GALNT1: variants seen among roughly 807,000 people sequenced by gnomAD.
GALNT1 encodes the protein GalNAc transferase 1.
Under a neutral mutation model 65.7 loss-of-function variants are expected in GALNT1, and 17 were observed. That is an observed-to-expected ratio of 0.26 (90% CI 0.18 to 0.39). The LOEUF is 0.39. Among genes scored for constraint, GALNT1 ranks in the 10% least tolerant of loss-of-function variants. The probability of loss-of-function intolerance (pLI) is 1.00; values close to 1 mark genes in which losing one functional copy is unlikely to be tolerated. For missense variants in GALNT1, 460 were observed against 672.8 expected (o/e 0.68, Z 3.50); for synonymous variants, 210 against 219.7 (o/e 0.96, Z 0.39).
At chr18:35,643,813 A>G (rs1212119406) in intron 1 of GALNT1, among the ~76,000 whole-genome samples, 1 of 152,076 alleles carries the variant, frequency 6.6e-6, no homozygotes, top group Non-Finnish European at 1.5e-5. Flanking sequence ...AAAAAAGAAA[A>G]AAAAACACAT....
chr18:35,691,250 G>C, intron 8 of GALNT1, 58 bp downstream of exon 8: 1 of 1,455,028 alleles, frequency 6.9e-7, no homozygotes, highest in Non-Finnish European at 9.3e-7. Context: ...CCTGATCCTG[G>C]AGGAGAAGTA....
At chr18:35,665,737 T>G (rs1311385026) in intron 3 of GALNT1, among the ~76,000 whole-genome samples, 1 of 152,224 alleles carries the variant, frequency 6.6e-6, no homozygotes, top group East Asian at 1.9e-4. Context: ...ATCTAAAATC[T>G]TATATTCAGC....
chr18:35,620,722 T>G (rs2046839837), intron 1 of GALNT1, among the ~76,000 whole-genome samples: 1 of 152,236 alleles, frequency 6.6e-6, no homozygotes, highest in Non-Finnish European at 1.5e-5. Flanking sequence ...TCTAGTTTAT[T>G]CGTTTTTCCT....
chr18:35,621,290 C>G (rs1027977390), intron 1 of GALNT1, among the ~76,000 whole-genome samples: 1 of 125,052 alleles, frequency 8.0e-6, no homozygotes. Flanking sequence ...GTGATCCCCC[C>G]ACCTCAGCCT....
At chr18:35,645,443 C>A (rs545328622) in intron 1 of GALNT1, among the ~76,000 whole-genome samples, 2 of 152,104 alleles carry the variant, frequency 1.3e-5, no homozygotes, top group African/African-American at 4.8e-5. Context: ...CCGTGTTAGC[C>A]AGGATGGTCT....
chr18:35,678,861 C>A (rs1355546632), intron 4 of GALNT1, among the ~76,000 whole-genome samples: 3 of 152,140 alleles, frequency 2.0e-5, no homozygotes, highest in Admixed American at 1.3e-4. Flanking sequence ...TTATTCACAT[C>A]AAATATCAAT....
At chr18:35,701,997 A>T (rs1453469464) in intron 9 of GALNT1, among the ~76,000 whole-genome samples, 2 of 151,804 alleles carry the variant, frequency 1.3e-5, no homozygotes, top group African/African-American at 2.4e-5. Flanking sequence ...AACTGACATT[A>T]CCCCCCCAGT....
intron 4 of GALNT1, among the ~76,000 whole-genome samples, chr18:35,678,698 T>C (rs917170875): frequency 2.0e-5 from 3 of 152,222 alleles, no homozygotes; most frequent in Non-Finnish European, 2.9e-5. Flanking sequence ...TCTTCCTTCA[T>C]CAGCCTTAAA....
At chr18:35,685,671 G>A (rs1223844508) in intron 5 of GALNT1, among the ~76,000 whole-genome samples, 1 of 152,182 alleles carries the variant, frequency 6.6e-6, no homozygotes, top group East Asian at 1.9e-4. Flanking sequence ...AAAAGGAAAA[G>A]CATTGTTGTC....
At chr18:35,594,998 C>A (rs959991677) in intron 1 of GALNT1, among the ~76,000 whole-genome samples, 1 of 152,048 alleles carries the variant, frequency 6.6e-6, no homozygotes, top group Non-Finnish European at 1.5e-5. Context: ...GATGGTAACT[C>A]TAGTGTTGAA....
chr18:35,647,482 A>G (rs1009200340), intron 1 of GALNT1, among the ~76,000 whole-genome samples: 2 of 152,242 alleles, frequency 1.3e-5, no homozygotes, highest in Non-Finnish European at 2.9e-5. Context: ...GAAATAGAGC[A>G]AATAGAATAT....
rs1261762084 is a variant in GALNT1, at chr18:35,581,865, G to A, written c.-104+3G>A. ...GCCGCCGCCGCGCGCCTAGCGAGGTGAGTGTATCGCCCGCGGCTGGGCAGT... is the reference window on the plus strand; with the variant it reads ...GCCGCCGCCGCGCGCCTAGCGAGGTAAGTGTATCGCCCGCGGCTGGGCAGT... On this transcript the variant is annotated splice_donor_region_variant and intron_variant, in intron 1 of 11. Coordinates refer to ENST00000269195, the MANE Select transcript of GALNT1 (RefSeq NM_020474.4). The A allele has an allele frequency of 9.7e-4, 1 of 1,036 alleles. No homozygotes were observed. The highest frequency in any genetic ancestry group is 4.5e-3 in the Non-Finnish European group (1 of 222). The allele number at this position is 1,036 out of a possible 1,614,324, so 0.1% of individuals were successfully genotyped here.
chr18:35,630,351 G>A (rs1218172222), intron 1 of GALNT1, among the ~76,000 whole-genome samples: 1 of 152,110 alleles, frequency 6.6e-6, no homozygotes, highest in Non-Finnish European at 1.5e-5. Context: ...ACAACAAACT[G>A]TCTCTCAGAC....
intron 1 of GALNT1, among the ~76,000 whole-genome samples, chr18:35,588,642 T>C (rs2046406326): frequency 6.6e-6 from 1 of 152,182 alleles, no homozygotes; most frequent in Non-Finnish European, 1.5e-5. Flanking sequence ...ATTTCTCTCT[T>C]ATTCATATTG....
intron 1 of GALNT1, among the ~76,000 whole-genome samples, chr18:35,601,367 G>A (rs2046580072): frequency 6.6e-6 from 1 of 151,824 alleles, no homozygotes; most frequent in Non-Finnish European, 1.5e-5. Flanking sequence ...CTAAGGGTTT[G>A]TTGATTTTAT....
chr18:35,592,849 T>A (rs887516423), intron 1 of GALNT1, among the ~76,000 whole-genome samples: 12 of 152,222 alleles, frequency 7.9e-5, no homozygotes, highest in African/African-American at 2.9e-4. Flanking sequence ...TATCATCATA[T>A]GTATCATGTT....
chr18:35,593,494 T>G (rs1267681701), intron 1 of GALNT1, among the ~76,000 whole-genome samples: 1 of 151,984 alleles, frequency 6.6e-6, no homozygotes, highest in Non-Finnish European at 1.5e-5. Context: ...GAACCTATTA[T>G]TAGTAGGTCG....
In GALNT1 at chr18:35,625,340, A is replaced by C. The variant is rs141171703; in HGVS notation, c.-103-29220A>C. ...GAAGAGTAGGGAACCAATAAAGAAGACTTCAAAGCATGGTCAGAAAAGTAG... is the reference window on the plus strand; with the variant it reads ...GAAGAGTAGGGAACCAATAAAGAAGCCTTCAAAGCATGGTCAGAAAAGTAG... On this transcript the variant is annotated intron_variant, in intron 1 of 11. Transcript: ENST00000269195. 3.3e-3 allele frequency among the ~76,000 whole-genome samples: 504 copies of C among 152,266 alleles called. 1 individual carries two copies. Among genetic ancestry groups the C allele is most frequent in the South Asian group, 7.5e-3 (36 of 4,830 alleles).
intron 1 of GALNT1, among the ~76,000 whole-genome samples, chr18:35,617,641 G>A (rs1160930712): frequency 1.3e-5 from 2 of 152,124 alleles, no homozygotes; most frequent in Admixed American, 1.3e-4. Flanking sequence ...AAGACATCAT[G>A]TCATTTTACC....
Sources: gnomAD v4.1 joint callset for allele counts (sites outside exome capture counted in the v4.1 genomes callset) on GRCh38, gnomAD v4.1.1 for gene constraint, MANE v1.5 for transcripts, NCBI Gene and HGNC (gene_info 2026-07-23, HGNC 2026-07-21) for gene names.